CYYR1: variants seen among roughly 807,000 people sequenced by gnomAD.
CYYR1 encodes the protein cysteine and tyrosine-rich protein 1.
Under a neutral mutation model 15.2 loss-of-function variants are expected in CYYR1, and 14 were observed. The observed-to-expected ratio is 0.92, with a 90% CI of 0.61 to 1.44. The LOEUF (loss-of-function observed/expected upper bound fraction) is 1.44, where lower values mean the gene tolerates loss of function less well. Among genes scored for constraint, CYYR1 ranks in the 40% most tolerant of loss-of-function variants. The pLI is 0.00. For synonymous variants in CYYR1, 80 were observed against 77.4 expected (o/e 1.03, Z -0.18); for missense variants, 228 against 209.5 (o/e 1.09, Z -0.54).
At chr21:26,551,681 C>T (rs1979396589) in intron 2 of CYYR1, 1 of 162,378 alleles carries the variant, frequency 6.2e-6, no homozygotes, top group African/African-American at 2.4e-5. Flanking sequence ...CACGATAAAA[C>T]TTGAACATAA....
intron 2 of CYYR1, among the ~76,000 whole-genome samples, chr21:26,505,863 G>A (rs2065552767): frequency 6.6e-6 from 1 of 152,186 alleles, no homozygotes; most frequent in Non-Finnish European, 1.5e-5. Context: ...AGATAACGTT[G>A]CATTAAGGAA....
intron 2 of CYYR1, among the ~76,000 whole-genome samples, chr21:26,537,529 C>G (rs963506080): frequency 6.6e-6 from 1 of 152,128 alleles, no homozygotes; most frequent in Non-Finnish European, 1.5e-5. Context: ...GTGATTCTGG[C>G]TGGCAGAGGC....
chr21:26,488,240 A>ACCTCCTTC (rs1555904366), intron 2 of CYYR1, among the ~76,000 whole-genome samples: 7 of 139,320 alleles, frequency 5.0e-5, no homozygotes, highest in African/African-American at 1.9e-4. Flanking sequence ...ATCTTCCCCT[A>ACCTCCTTC]CTTCCTTCCT....
intron 1 of CYYR1, among the ~76,000 whole-genome samples, chr21:26,566,960 G>C (rs1229262364): frequency 1.4e-5 from 2 of 147,986 alleles, no homozygotes; most frequent in African/African-American, 5.0e-5. Context: ...AATGAGCCGA[G>C]ATCATGCCAC....
At chr21:26,535,732 C>T (rs1978295652) in intron 2 of CYYR1, among the ~76,000 whole-genome samples, 2 of 152,066 alleles carry the variant, frequency 1.3e-5, no homozygotes, top group Admixed American at 1.3e-4. Context: ...TCGGTGGCCA[C>T]TCTCAGATCT....
chr21:26,562,793 TACAC>T (rs1416628469), intron 2 of CYYR1, among the ~76,000 whole-genome samples: 2 of 41,586 alleles, frequency 4.8e-5, no homozygotes, highest in East Asian at 1.0e-3. Context: ...CACAGAGACA[TACAC>T]AAACACACAC....
At chr21:26,527,569 C>A (rs904824856) in intron 2 of CYYR1, among the ~76,000 whole-genome samples, 11 of 152,074 alleles carry the variant, frequency 7.2e-5, no homozygotes, top group South Asian at 6.2e-4. Context: ...TTTTTATCAT[C>A]CAGTAAAAAT....
intron 2 of CYYR1, among the ~76,000 whole-genome samples, chr21:26,490,913 T>C (rs1279649721): frequency 6.6e-6 from 1 of 152,060 alleles, no homozygotes; most frequent in African/African-American, 2.4e-5. Flanking sequence ...ACTTGGGAAG[T>C]AGAGAAAGAG....
intron 2 of CYYR1, among the ~76,000 whole-genome samples, chr21:26,550,119 T>C (rs771124573): frequency 6.6e-6 from 1 of 152,362 alleles, no homozygotes; most frequent in East Asian, 1.9e-4. Context: ...TTTTTCATTA[T>C]ATCTGTTTTT....
chr21:26,469,437 G>T (rs2065007447), intron 3 of CYYR1, among the ~76,000 whole-genome samples: 1 of 151,954 alleles, frequency 6.6e-6, no homozygotes, highest in South Asian at 2.1e-4. Context: ...TCTTTATTTT[G>T]TTACTGTACC....
intron 2 of CYYR1, among the ~76,000 whole-genome samples, chr21:26,512,145 C>T (rs2065656586): frequency 6.6e-6 from 1 of 152,090 alleles, no homozygotes; most frequent in Non-Finnish European, 1.5e-5. Flanking sequence ...GGATTTCCAC[C>T]ATGGTCCATG....
intron 2 of CYYR1, chr21:26,564,745 C>T: frequency 1.6e-5 from 20 of 1,220,564 alleles, no homozygotes; most frequent in Non-Finnish European, 1.9e-5. Flanking sequence ...AGCTAGGAGC[C>T]AGATGACCAA....
intron 2 of CYYR1, chr21:26,550,912 T>A (rs1017949922): frequency 6.6e-6 from 1 of 152,370 alleles, no homozygotes; most frequent in Non-Finnish European, 1.5e-5. Context: ...CAGAGTCCTA[T>A]TGGAAGAAGA....
At chr21:26,482,424 A>G in intron 2 of CYYR1, 1 of 985,264 alleles carries the variant, frequency 1.0e-6, no homozygotes, top group Non-Finnish European at 1.2e-6. Context: ...TGCTCCCCTG[A>G]TGATTTCCTT....
At chr21:26,569,006 C>G (rs1052065939) in intron 1 of CYYR1, 2 of 152,192 alleles carry the variant, frequency 1.3e-5, no homozygotes, top group East Asian at 3.9e-4. Context: ...AGTTCAACCA[C>G]TGTGGAAAGC....
At chr21:26,518,676 A>G (rs933176568) in intron 2 of CYYR1, 1 of 152,256 alleles carries the variant, frequency 6.6e-6, no homozygotes, top group African/African-American at 2.4e-5. Context: ...TGTGAAATGC[A>G]GAAATCATGC....
At chr21:26,531,000 C>G (rs1288964088) in intron 2 of CYYR1, among the ~76,000 whole-genome samples, 2 of 152,094 alleles carry the variant, frequency 1.3e-5, no homozygotes, top group African/African-American at 4.8e-5. Flanking sequence ...TCAGACAGCT[C>G]CTACAGGAAT....
Position 26,488,240 on chromosome 21 carries a change from ACTTCCTTCCTTCCTTC to A in CYYR1, c.177-7827_177-7812del, listed in dbSNP as rs71336135. On this transcript the variant is annotated intron_variant, in intron 2 of 3. Transcript: ENST00000652641. ...TAAAATAAAGACTACATCTTCCCCT[ACTTCCTTCCTTCCTTC>A]CTTCCTTCCTTCCTTCCTTCCTTCC... is the stretch of plus-strand genomic sequence containing the variant. Among the ~76,000 whole-genome samples, 30 of 139,318 alleles carry A rather than the reference ACTTCCTTCCTTCCTTC, an allele frequency of 2.2e-4. 1 individual carries two copies. The highest frequency in any genetic ancestry group is 2.9e-4 in the Admixed American group (4 of 13,730). 91.4% of individuals were successfully genotyped at this position (139,318 alleles called of 152,430 possible).
intron 2 of CYYR1, among the ~76,000 whole-genome samples, chr21:26,565,325 A>G (rs1272936137): frequency 6.6e-6 from 1 of 152,176 alleles, no homozygotes; most frequent in Non-Finnish European, 1.5e-5. Context: ...CATATGACTT[A>G]GCGCCTAATG....
Sources: allele counts gnomAD v4.1 joint callset (sites outside exome capture counted in the v4.1 genomes callset), GRCh38; gene constraint gnomAD v4.1.1; transcripts MANE v1.5; gene names NCBI Gene and HGNC (gene_info 2026-07-23, HGNC 2026-07-21).